The following MUC5B variants were observed in gnomAD, a reference collection of about 807,000 sequenced individuals.
The protein encoded by MUC5B is mucin-5B.
MUC5B carries 116 observed loss-of-function variants against 376.9 expected under a neutral mutation model. The ratio of observed to expected loss-of-function variants is 0.31; its 90% confidence interval spans 0.26 to 0.36. The LOEUF (loss-of-function observed/expected upper bound fraction) is 0.36, where lower values mean the gene tolerates loss of function less well. MUC5B is among the 10% of genes least tolerant of loss of function. The probability of loss-of-function intolerance (pLI) is 1.00; values close to 1 mark genes in which losing one functional copy is unlikely to be tolerated. For synonymous variants in MUC5B, 3,517 were observed against 3,390.9 expected, an observed-to-expected ratio of 1.04 and a Z score of -1.29; for missense variants, 7,165 against 7,769.9, an observed-to-expected ratio of 0.92 and a Z score of 2.93.
rs771928009 is a variant in MUC5B, at chr11:1,250,592, C to G, written c.13712C>G (p.Thr4571Arg). The change falls in exon 31 of 49, where the codon ACA (threonine) becomes AGA (arginine). Residue 4571 changes from threonine (T) to arginine (R), a missense_variant. Thr to Arg is a moderately conservative substitution (Grantham distance 71). Around this residue, in one of 31 missense-constraint regions of MUC5B, gnomAD observed 730 missense variants for 592.7 expected, o/e 1.23. Transcript: ENST00000529681. ...TSTVLTATAT[T>R]TGATGSVATP... ...ACAGTGCTTACCGCCACGGCCACCA[C>G]AACCGGGGCCACCGGCTCTGTGGCC... The G allele has an allele frequency of 5.0e-6, 8 of 1,613,792 alleles. No individual in the cohort carries two copies. In the East Asian group the frequency reaches 1.3e-4, roughly 27 times the overall value.
rs1458779625 is a variant in MUC5B, at chr11:1,241,647, C to T, written c.4767C>T (p.Tyr1589=). Residue 1589 remains tyrosine, a synonymous_variant, in exon 31 of 49, where the codon TAC becomes TAT. Coordinates refer to ENST00000529681, the MANE Select transcript of MUC5B (RefSeq NM_002458.3). ...AGGAGGGCGTCTTCAAGATGTGCTACAACTACAGGATCCGGGTCCTCTGCT... is the reference window on the plus strand; with the variant it reads ...AGGAGGGCGTCTTCAAGATGTGCTATAACTACAGGATCCGGGTCCTCTGCT... ...WEQEGVFKMC[Y]NYRIRVLCCS... 1 of 1,612,542 alleles carries T rather than the reference C, an allele frequency of 6.2e-7. No homozygotes were observed. The highest frequency in any genetic ancestry group is 8.5e-7 in the Non-Finnish European group (1 of 1,179,660).
rs376955587 is a variant in MUC5B, at chr11:1,239,466, T to C, written c.3483T>C (p.His1161=). The part of the protein sequence containing the change: ...CPLFCDFYNP[H]GGCEWHYQPC... ...TGTTCTGTGACTTCTACAACCCACATGGGGGCTGTGAGTGGCACTACCAGC... is the reference window on the plus strand; with the variant it reads ...TGTTCTGTGACTTCTACAACCCACACGGGGGCTGTGAGTGGCACTACCAGC... Residue 1161 remains histidine, a synonymous_variant, in exon 27 of 49, where the codon CAT becomes CAC. Transcript: ENST00000529681. 5.9e-5 allele frequency: 95 copies of C among 1,608,294 alleles called. No individual in the cohort carries two copies. The African/African-American group carries it at 1.1e-3, about 19-fold the overall frequency.
Position 1,239,917 on chromosome 11 carries a change from C to A in MUC5B, c.3702C>A (p.Val1234=). The change falls in exon 28 of 49, where the codon GTC becomes GTA. Residue 1234 remains valine, a synonymous_variant. Coordinates refer to ENST00000529681, the MANE Select transcript of MUC5B (RefSeq NM_002458.3). ...ACTACTATGACGTCGGTGCAAGGGT[C>A]CCCACAGCGGAGAACTGCCAGAGCT... ...DGNYYDVGAR[V]PTAENCQSCN... 1 of 1,613,268 alleles carries A rather than the reference C, an allele frequency of 6.2e-7. No homozygotes were observed. The highest frequency in any genetic ancestry group is 8.5e-7 in the Non-Finnish European group (1 of 1,179,712).
At position 1,249,880 on chromosome 11, in the gene MUC5B, A is replaced by T; in HGVS notation, c.13000A>T (p.Thr4334Ser). The T allele has an allele frequency of 6.2e-7, 1 of 1,612,976 alleles. No homozygotes were observed. The highest frequency in any genetic ancestry group is 8.5e-7 in the Non-Finnish European group (1 of 1,179,666). ...TPIPSSTLGT[T>S]GTLPEQTTTP... ...CATCCCCTCCTCCACCCTTGGGACCACCGGGACCCTCCCAGAACAGACCAC... is the reference window on the plus strand; with the variant it reads ...CATCCCCTCCTCCACCCTTGGGACCTCCGGGACCCTCCCAGAACAGACCAC... Residue 4334 changes from threonine (T) to serine (S), a missense_variant, in exon 31 of 49, where the codon ACC becomes TCC. Around this residue, in one of 31 missense-constraint regions of MUC5B, gnomAD observed 431 missense variants for 390.4 expected, o/e 1.10. Coordinates refer to ENST00000529681, the MANE Select transcript of MUC5B (RefSeq NM_002458.3).
At position 1,230,920 on chromosome 11, in the gene MUC5B, C is replaced by A; in HGVS notation, c.1471-16C>A. 1 of 1,576,708 alleles carries A rather than the reference C, an allele frequency of 6.3e-7. No individual in the cohort carries two copies. The highest frequency in any genetic ancestry group is 8.6e-7 in the Non-Finnish European group (1 of 1,162,178). ...TTCCTCCCCAGAGCTGACCTCCCGCCCGCCTCCTTCCGCAGGCCATCCGGG... is the reference window on the plus strand; with the variant it reads ...TTCCTCCCCAGAGCTGACCTCCCGCACGCCTCCTTCCGCAGGCCATCCGGG... On this transcript the variant is annotated splice_polypyrimidine_tract_variant and intron_variant, in intron 12 of 48. Transcript: ENST00000529681.
chr11:1,232,930 C>T, intron 17 of MUC5B, 83 bp from the exon 18 acceptor site: 1 of 1,472,584 alleles, frequency 6.8e-7, no homozygotes, highest in Non-Finnish European at 9.0e-7. Context: ...CCCCACGTCA[C>T]AGACGGGGAT....
chr11:1,255,128 T>C lies in MUC5B; in HGVS notation c.15752T>C (p.Leu5251Pro). 1 of 1,579,398 alleles carries C rather than the reference T, an allele frequency of 6.3e-7. No individual in the cohort carries two copies. The highest frequency in any genetic ancestry group is 1.3e-5 in the African/African-American group (1 of 74,120). Residue 5251 changes from leucine (L) to proline (P), a missense_variant, in exon 36 of 49, where the codon CTG (leucine) becomes CCG (proline). By Grantham distance (98) the Leu-to-Pro change is moderately conservative (BLOSUM62 -3). This residue lies in a region of MUC5B where 842 missense variants were observed against 1,016.9 expected (regional missense o/e 0.83). Coordinates refer to ENST00000529681, the MANE Select transcript of MUC5B (RefSeq NM_002458.3). ...ASCKDMAKTW[L>P]VPDSRKDGCW... ...TGCAAGGACATGGCCAAGACGTGGC[T>C]GGTCCCCGACAGCAGAAAGGATGGC...
chr11:1,238,842 G>A, intron 25 of MUC5B, 29 bp from the exon 26 acceptor site: 1 of 1,539,776 alleles, frequency 6.5e-7, no homozygotes, highest in Non-Finnish European at 8.8e-7. Flanking sequence ...CATTGTCCCG[G>A]CTGAGCTGCA....
rs765519626 is a variant in MUC5B at position 1,241,170 on chromosome 11, G to A, written c.4290G>A (p.Val1430=). The A allele has an allele frequency of 1.2e-6, 2 of 1,600,596 alleles. No individual in the cohort carries two copies. Among genetic ancestry groups the A allele is most frequent in the Admixed American group, 1.7e-5 (1 of 57,882 alleles). The change falls in exon 31 of 49, where the codon GTG becomes GTA. Residue 1430 remains valine (V), a synonymous_variant. Transcript: ENST00000529681. ...TGCGGGTTCTCTGCTGCGAATACGTGCCCTGTGGCCCCTCCCCGGCCCCAG... is the reference window on the plus strand; with the variant it reads ...TGCGGGTTCTCTGCTGCGAATACGTACCCTGTGGCCCCTCCCCGGCCCCAG... The part of the protein sequence containing the change: ...YELRVLCCEY[V]PCGPSPAPGT...
Position 1,251,133 on chromosome 11 carries a change from A to T in MUC5B, c.14253A>T (p.Thr4751=). ...CAAAATCCACAGCTACCAGCTTTAC[A>T]CCCATCCCCTCCTCCACCCTGTGGA... is the stretch of plus-strand genomic sequence containing the variant. ...TATKSTATSF[T]PIPSSTLWTT... The change falls in exon 31 of 49, where the codon ACA becomes ACT. Residue 4751 remains threonine (T), a synonymous_variant. Coordinates refer to ENST00000529681, the MANE Select transcript of MUC5B (RefSeq NM_002458.3). 6.2e-7 allele frequency: 1 copy of T among 1,610,226 alleles called. No individual in the cohort carries two copies. The highest frequency in any genetic ancestry group is 8.5e-7 in the Non-Finnish European group (1 of 1,177,992).
chr11:1,243,677 C>G lies in MUC5B; in HGVS notation c.6797C>G (p.Pro2266Arg). Residue 2266 changes from proline to arginine, a missense_variant, in exon 31 of 49, where the codon CCT becomes CGT. Pro to Arg is a moderately radical substitution (Grantham distance 103). This residue lies in a region of MUC5B where 79 missense variants were observed against 63.0 expected (regional missense o/e 1.25). Coordinates refer to ENST00000529681, the MANE Select transcript of MUC5B (RefSeq NM_002458.3). ...AGCAGCAGAACCACCGAGTCACCCC[C>G]TTCTCCAGGGACGACCACCCCGGGC... ...HPSSRTTESPPSPGTTTPGHT... is the reference protein window; with the variant it reads ...HPSSRTTESPRSPGTTTPGHT... 4 of 1,611,596 alleles carry G rather than the reference C, an allele frequency of 2.5e-6. No homozygotes were observed. The highest frequency in any genetic ancestry group is 3.4e-6 in the Non-Finnish European group (4 of 1,179,576).
In MUC5B at chr11:1,254,863, A is replaced by C. The variant is rs1322413481; in HGVS notation, c.15647A>C (p.Asn5216Thr). Residue 5216 changes from asparagine to threonine, a missense_variant, in exon 35 of 49, where the codon AAC becomes ACC. Coordinates refer to ENST00000529681, the MANE Select transcript of MUC5B (RefSeq NM_002458.3). ...CTGCCCTACAGCCTCTTCCACAACAACACCGAGGGCCAGTGCGGTGAGTGG... is the reference window on the plus strand; with the variant it reads ...CTGCCCTACAGCCTCTTCCACAACACCACCGAGGGCCAGTGCGGTGAGTGG... Reference protein sequence around the residue: ...ARLPYSLFHNNTEGQCGTCTN... With the variant: ...ARLPYSLFHNTTEGQCGTCTN... The C allele has an allele frequency of 3.7e-6, 6 of 1,609,608 alleles. No individual in the cohort carries two copies. Among genetic ancestry groups the C allele is most frequent in the South Asian group, 2.2e-5 (2 of 91,008 alleles).
chr11:1,249,920 C>T lies in MUC5B; in HGVS notation c.13040C>T (p.Thr4347Ile). The T allele has an allele frequency of 6.2e-7, 1 of 1,613,604 alleles. No individual in the cohort carries two copies. ...GAACAGACCACCACACCCGTGGCCA[C>T]CATGTCCACAATCCACCCCTCCTCC... ...LPEQTTTPVA[T>I]MSTIHPSSTP... The change falls in exon 31 of 49, where the codon ACC becomes ATC. Residue 4347 changes from threonine (T) to isoleucine (I), a missense_variant. Physicochemically the swap from Thr to Ile is moderately conservative, Grantham distance 89. Transcript: ENST00000529681.
intron 23 of MUC5B, 91 bp downstream of exon 23, chr11:1,235,504 A>C (rs759601594): frequency 8.9e-7 from 1 of 1,121,254 alleles, no homozygotes; most frequent in East Asian, 2.6e-5. Flanking sequence ...CTGCACCCAC[A>C]GGTTCTCAGC....
At position 1,247,950 on chromosome 11, in the gene MUC5B, C is replaced by T. The variant is rs778594445; in HGVS notation, c.11070C>T (p.Thr3690=). The change falls in exon 31 of 49, where the codon ACC becomes ACT. Residue 3690 remains threonine (T), a synonymous_variant. Transcript: ENST00000529681. ...CGCCCTCCTCAACTCCGGGGACGAC[C>T]TGGATCCTCACAAAGCTGACCACAA... The part of the protein sequence containing the change: ...TATPSSTPGT[T]WILTKLTTTA... 1 of 1,610,998 alleles carries T rather than the reference C, an allele frequency of 6.2e-7. No homozygotes were observed. Among genetic ancestry groups the T allele is most frequent in the Middle Eastern group, 1.7e-4 (1 of 6,008 alleles).
At position 1,242,703 on chromosome 11, in the gene MUC5B, C is replaced by A. The variant is rs778777963; in HGVS notation, c.5823C>A (p.Thr1941=). Reference sequence around the variant, plus strand: ...CTCCCCCTCCCAAAGTGCTGACCACCACGGCCACCACACCCACAGTCACCA... The same window carrying A: ...CTCCCCCTCCCAAAGTGCTGACCACAACGGCCACCACACCCACAGTCACCA... ...RTAPPPKVLT[T]TATTPTVTSS... is the part of the protein sequence containing the mutation. The change falls in exon 31 of 49, where the codon ACC becomes ACA. Residue 1941 remains threonine (T), a synonymous_variant. Coordinates refer to ENST00000529681, the MANE Select transcript of MUC5B (RefSeq NM_002458.3). 6.2e-7 allele frequency: 1 copy of A among 1,613,414 alleles called. No homozygotes were observed. Among genetic ancestry groups the A allele is most frequent in the Non-Finnish European group, 8.5e-7 (1 of 1,179,486 alleles).
chr11:1,247,004 C>T lies in MUC5B; in HGVS notation c.10124C>T (p.Ala3375Val), dbSNP rs1346122451. ...ACAACTGTGGCCACTGGTTCTATGGCAACACCCTCCTCTAGCACACAGACC... is the reference window on the plus strand; with the variant it reads ...ACAACTGTGGCCACTGGTTCTATGGTAACACCCTCCTCTAGCACACAGACC... ...TTTTVATGSMATPSSSTQTSG... is the reference protein window; with the variant it reads ...TTTTVATGSMVTPSSSTQTSG... Residue 3375 changes from alanine to valine, a missense_variant, in exon 31 of 49, where the codon GCA (alanine) becomes GTA (valine). This residue lies in a region of MUC5B where 939 missense variants were observed against 770.6 expected (regional missense o/e 1.22). Transcript: ENST00000529681. 3.2e-6 allele frequency: 5 copies of T among 1,555,308 alleles called. No homozygotes were observed. In the East Asian group the frequency reaches 1.2e-4, roughly 38 times the overall value.
intron 8 of MUC5B, 32 bp from the exon 9 acceptor site, chr11:1,229,137 TC>T: frequency 6.5e-7 from 1 of 1,546,406 alleles, no homozygotes; most frequent in Non-Finnish European, 8.7e-7. Flanking sequence ...ACAGGGCCCT[TC>T]CCCTGGCCCA....
chr11:1,223,915 G>A (rs1339004577), intron 1 of MUC5B, among the ~76,000 whole-genome samples: 4 of 152,132 alleles, frequency 2.6e-5, no homozygotes, highest in Admixed American at 6.5e-5. Flanking sequence ...TCCCTGCCCC[G>A]CCCTCCACCC....
Sources: gnomAD v4.1 joint callset for allele counts (sites outside exome capture counted in the v4.1 genomes callset) on GRCh38, gnomAD v4.1.1 for gene constraint, gnomAD v4.1.1 regional missense constraint, MANE v1.5 for transcripts, NCBI Gene and HGNC (gene_info 2026-07-23, HGNC 2026-07-21) for gene names.